The following TOP1 variants were observed in gnomAD, a reference collection of about 807,000 sequenced individuals.
TOP1 encodes the protein DNA topoisomerase 1.
A neutral mutation model predicts 111.1 loss-of-function variants in TOP1; 10 were observed. The ratio of observed to expected loss-of-function variants is 0.09; its 90% CI spans 0.06 to 0.15. TOP1 has a LOEUF of 0.15. Among genes scored for constraint, TOP1 ranks in the 10% least tolerant of loss-of-function variants. The pLI, the probability that TOP1 is intolerant of heterozygous loss-of-function variation, is 1.00. For synonymous variants in TOP1, 271 were observed against 302.9 expected (o/e 0.89, Z 1.10); for missense variants, 474 against 926.7 (o/e 0.51, Z 6.34).
rs2034419875 is a variant in TOP1 at position 41,121,320 on chromosome 20, G to A, written c.1951-376G>A. 1.3e-5 allele frequency among the ~76,000 whole-genome samples: 2 copies of A among 152,134 alleles called. No homozygotes were observed. The highest frequency in any genetic ancestry group is 2.9e-5 in the Non-Finnish European group (2 of 68,024). ...CTCCTACAGTGTTCTTAGAATGAAA[G>A]CTAAGAACTGGCACAGGATCTATTT... On this transcript the variant is annotated intron_variant, in intron 18 of 20. Transcript: ENST00000361337. The surrounding 1 kb of genome is among the most constrained non-coding windows in gnomAD (Gnocchi z 4.2).
chr20:41,036,339 T>C (rs2033184858), intron 2 of TOP1, among the ~76,000 whole-genome samples: 1 of 152,126 alleles, frequency 6.6e-6, no homozygotes, highest in African/African-American at 2.4e-5. Flanking sequence ...AGGAGACAGC[T>C]GTGGTAAAAT....
chr20:41,089,227 T>C (rs924220753), intron 8 of TOP1, among the ~76,000 whole-genome samples: 4 of 152,100 alleles, frequency 2.6e-5, no homozygotes, highest in Non-Finnish European at 4.4e-5. Context: ...GGTTTCGCCA[T>C]GTTGGCCAGG....
Position 41,046,499 on chromosome 20 carries a change from G to A in TOP1, c.59-14895G>A, listed in dbSNP as rs190534278. On this transcript the variant is annotated intron_variant, in intron 2 of 20. Coordinates refer to ENST00000361337, the MANE Select transcript of TOP1 (RefSeq NM_003286.4). The surrounding 1 kb of genome is among the most constrained non-coding windows in gnomAD (Gnocchi z 4.3). ...TGGGGGCGCCCATCTCTTCACTTAT[G>A]ATGTGTCCTTAACAGACTAAATGCA... is the stretch of plus-strand genomic sequence containing the variant. 2.0e-3 allele frequency among the ~76,000 whole-genome samples: 298 copies of A among 152,296 alleles called. 3 individuals carry two copies. The highest frequency in any genetic ancestry group is 3.5e-3 in the Non-Finnish European group (238 of 68,014).
chr20:41,063,114 A>G (rs2033565741), intron 3 of TOP1, among the ~76,000 whole-genome samples: 1 of 152,140 alleles, frequency 6.6e-6, no homozygotes, highest in African/African-American at 2.4e-5. Context: ...AGTAGTCTCC[A>G]GTGTCTATTA....
rs1297962076 is a variant in TOP1, at chr20:41,118,512, A to T, written c.1950+216A>T. 6.6e-6 allele frequency among the ~76,000 whole-genome samples: 1 copy of T among 152,240 alleles called. No individual in the cohort carries two copies. On this transcript the variant is annotated intron_variant, in intron 18 of 20. Coordinates refer to ENST00000361337, the MANE Select transcript of TOP1 (RefSeq NM_003286.4). The surrounding 1 kb of genome is among the most constrained non-coding windows in gnomAD (Gnocchi z 4.6). The stretch of plus-strand genomic sequence containing the variant: ...TTCAAGAAATCTTTATTCTACGCAT[A>T]GAAGTTCTATACTGGCCACTCCCTA...
At chr20:41,066,013 G>C (rs2033602160) in intron 3 of TOP1, among the ~76,000 whole-genome samples, 1 of 152,136 alleles carries the variant, frequency 6.6e-6, no homozygotes, top group Admixed American at 6.5e-5. Context: ...CATCTGAGGA[G>C]GTGAGAGACC....
chr20:41,042,365 T>A (rs1342457749), intron 2 of TOP1, among the ~76,000 whole-genome samples: 2 of 152,262 alleles, frequency 1.3e-5, no homozygotes, highest in African/African-American at 2.4e-5. Flanking sequence ...TTTTACTGTG[T>A]GTCAGAATCC....
Position 41,063,798 on chromosome 20 carries a change from C to T in TOP1, c.155+2308C>T, listed in dbSNP as rs1277433953. 3.3e-5 allele frequency among the ~76,000 whole-genome samples: 5 copies of T among 151,250 alleles called. No individual in the cohort carries two copies. In the South Asian group the frequency reaches 6.3e-4, roughly 19 times the overall value. ...TTTTAATGGGGTTACTTGTTTTTTG[C>T]TTGTTGAATCATTTAGGTTCCTTAT... is the stretch of plus-strand genomic sequence containing the variant. On this transcript the variant is annotated intron_variant, in intron 3 of 20. Coordinates refer to ENST00000361337, the MANE Select transcript of TOP1 (RefSeq NM_003286.4).
chr20:41,103,208 G>T (rs951585798), intron 13 of TOP1, among the ~76,000 whole-genome samples: 1 of 152,164 alleles, frequency 6.6e-6, no homozygotes, highest in African/African-American at 2.4e-5. Context: ...TTAACATTTG[G>T]ATCTTCTAAG....
rs1703560038 is a variant in TOP1, at chr20:41,097,136, T to C, written c.731-84T>C. On this transcript the variant is annotated intron_variant, in intron 9 of 20. Coordinates refer to ENST00000361337, the MANE Select transcript of TOP1 (RefSeq NM_003286.4). This position sits in a 1 kb window ranked among gnomAD's most constrained non-coding sequence, Gnocchi z 4.2. ...TATACCATGAGAAGGCAAACCATTA[T>C]TAAAGAGAATTCGCTAGCCCTGGGT... 1 of 1,482,308 alleles carries C rather than the reference T, an allele frequency of 6.7e-7. No individual in the cohort carries two copies. The highest frequency in any genetic ancestry group is 1.4e-5 in the African/African-American group (1 of 71,076). The allele number at this position is 1,482,308 out of a possible 1,614,324, so 91.8% of individuals were successfully genotyped here.
At position 41,080,020 on chromosome 20, in the gene TOP1, C is replaced by T; in HGVS notation, c.336-65C>T. 1 of 942,106 alleles carries T rather than the reference C, an allele frequency of 1.1e-6. No homozygotes were observed. Among genetic ancestry groups the T allele is most frequent in the South Asian group, 1.4e-5 (1 of 70,648 alleles). 58.4% of individuals were successfully genotyped at this position (942,106 alleles called of 1,614,324 possible). ...CTTCTTTTCAACGAAATGACATATTCCTTCTTTGTATTAATAGAATACAGA... is the reference window on the plus strand; with the variant it reads ...CTTCTTTTCAACGAAATGACATATTTCTTCTTTGTATTAATAGAATACAGA... On this transcript the variant is annotated intron_variant, in intron 5 of 20. Transcript: ENST00000361337. The surrounding 1 kb of genome is among the most constrained non-coding windows in gnomAD (Gnocchi z 5.0).
chr20:41,085,846 T>A (rs1204501864), intron 8 of TOP1, among the ~76,000 whole-genome samples: 3 of 152,116 alleles, frequency 2.0e-5, no homozygotes, highest in South Asian at 2.1e-4. Flanking sequence ...GTGGCAGAAA[T>A]GTGGCCACAC....
chr20:41,036,698 T>G (rs1208378664), intron 2 of TOP1, among the ~76,000 whole-genome samples: 1 of 152,182 alleles, frequency 6.6e-6, no homozygotes, highest in Non-Finnish European at 1.5e-5. Context: ...TGTTGTTGAG[T>G]CTTTACCTAA....
At position 41,106,900 on chromosome 20, in the gene TOP1, A is replaced by G. The variant is rs1342929194; in HGVS notation, c.1308+5547A>G. On this transcript the variant is annotated intron_variant, in intron 13 of 20. Coordinates refer to ENST00000361337, the MANE Select transcript of TOP1 (RefSeq NM_003286.4). The surrounding 1 kb of genome is among the most constrained non-coding windows in gnomAD (Gnocchi z 4.3). ...ATATTTCATATTTCTTTAAGTTTTA[A>G]TTTTTATTTTTAAACACAATTATCC... Among the ~76,000 whole-genome samples the G allele has an allele frequency of 8.6e-5, 13 of 152,042 alleles. No individual in the cohort carries two copies. Among genetic ancestry groups the G allele is most frequent in the African/African-American group, 3.1e-4 (13 of 41,402 alleles).
rs1232746235 is a variant in TOP1, at chr20:41,081,253, A to G, written c.507+13A>G. Reference sequence around the variant, plus strand: ...AGAAGAAGAAGAGGTTAGTAAAGAGACTTAGGTCCTTTGGGGCTTGAGTTT... The same window carrying G: ...AGAAGAAGAAGAGGTTAGTAAAGAGGCTTAGGTCCTTTGGGGCTTGAGTTT... On this transcript the variant is annotated intron_variant, in intron 7 of 20. Coordinates refer to ENST00000361337, the MANE Select transcript of TOP1 (RefSeq NM_003286.4). 1 of 1,592,654 alleles carries G rather than the reference A, an allele frequency of 6.3e-7. No homozygotes were observed. The highest frequency in any genetic ancestry group is 8.5e-7 in the Non-Finnish European group (1 of 1,170,976).
chr20:41,030,426 C>T lies in TOP1; in HGVS notation c.58+971C>T, dbSNP rs1390639161. 6.7e-6 allele frequency among the ~76,000 whole-genome samples: 1 copy of T among 150,052 alleles called. No individual in the cohort carries two copies. Among genetic ancestry groups the T allele is most frequent in the Non-Finnish European group, 1.5e-5 (1 of 67,818 alleles). The stretch of plus-strand genomic sequence containing the variant: ...AGTGTCCAGTACCCACCCCTGCTTC[C>T]TGTTCATTCTTTTTCACGAGCCACT... On this transcript the variant is annotated intron_variant, in intron 2 of 20. Transcript: ENST00000361337. The surrounding 1 kb of genome is among the most constrained non-coding windows in gnomAD (Gnocchi z 4.1).
intron 2 of TOP1, among the ~76,000 whole-genome samples, chr20:41,031,246 A>G (rs2033115947): frequency 6.6e-6 from 1 of 152,210 alleles, no homozygotes; most frequent in Non-Finnish European, 1.5e-5. Flanking sequence ...TTTCTTTGGG[A>G]TACAGGAGCA....
intron 13 of TOP1, among the ~76,000 whole-genome samples, chr20:41,105,805 T>C (rs1020163544): frequency 6.6e-5 from 10 of 152,216 alleles, no homozygotes; most frequent in African/African-American, 2.4e-4. Flanking sequence ...TCTATTCTCT[T>C]GTTAAGAGGC....
chr20:41,115,499 A>C lies in TOP1; in HGVS notation c.1707+60A>C. On this transcript the variant is annotated intron_variant, in intron 16 of 20. Coordinates refer to ENST00000361337, the MANE Select transcript of TOP1 (RefSeq NM_003286.4). The surrounding 1 kb of genome is among the most constrained non-coding windows in gnomAD (Gnocchi z 6.3). The stretch of plus-strand genomic sequence containing the variant: ...CCCAGCCAGAGCCTCACAGTACCTA[A>C]AGGGGAGGGTTGCTGGCAGATGACT... 1 of 1,324,278 alleles carries C rather than the reference A, an allele frequency of 7.6e-7. No homozygotes were observed. The highest frequency in any genetic ancestry group is 1.1e-6 in the Non-Finnish European group (1 of 917,994). The allele number at this position is 1,324,278 out of a possible 1,614,324, so 82.0% of individuals were successfully genotyped here.
Sources: allele counts gnomAD v4.1 joint callset (sites outside exome capture counted in the v4.1 genomes callset), GRCh38; gene constraint gnomAD v4.1.1; non-coding constraint Gnocchi (gnomAD v3.1); transcripts MANE v1.5; gene names NCBI Gene and HGNC (gene_info 2026-07-23, HGNC 2026-07-21).